The following PRKN variants were observed in gnomAD, a reference collection of about 807,000 sequenced individuals.
The protein encoded by PRKN is parkin RBR E3 ubiquitin protein ligase, also known as E3 ubiquitin-protein ligase parkin.
PRKN carries 56 observed loss-of-function variants against 59.5 expected under a neutral mutation model. The ratio of observed to expected loss-of-function variants is 0.94; its 90% CI spans 0.76 to 1.18. The LOEUF is 1.18. Among genes scored for constraint, PRKN ranks in the 50% most tolerant of loss-of-function variants. The pLI is 0.00. For missense variants in PRKN, 657 were observed against 596.4 expected, an observed-to-expected ratio of 1.10 and a Z score of -1.06; for synonymous variants, 250 against 222.1, an observed-to-expected ratio of 1.13 and a Z score of -1.12.
At chr6:162,181,031 T>C (rs1783779617) in intron 4 of PRKN, among the ~76,000 whole-genome samples, 1 of 152,228 alleles carries the variant, frequency 6.6e-6, no homozygotes, top group Non-Finnish European at 1.5e-5. Context: ...GCAACATTTG[T>C]AAGCTTATTT....
At chr6:162,499,817 T>C (rs928875424) in intron 1 of PRKN, among the ~76,000 whole-genome samples, 2 of 152,174 alleles carry the variant, frequency 1.3e-5, no homozygotes, top group Non-Finnish European at 2.9e-5. Context: ...TTCTGTATCT[T>C]AATTTCAGAC....
intron 1 of PRKN, among the ~76,000 whole-genome samples, chr6:162,687,525 C>T (rs1298180278): frequency 6.6e-6 from 1 of 151,922 alleles, no homozygotes; most frequent in African/African-American, 2.4e-5. Context: ...TGGAATAAAG[C>T]CAGATAAATT....
At chr6:162,184,974 G>A (rs1783962687) in intron 4 of PRKN, among the ~76,000 whole-genome samples, 1 of 152,008 alleles carries the variant, frequency 6.6e-6, no homozygotes, top group African/African-American at 2.4e-5. Flanking sequence ...AAGGGTGGGG[G>A]GGTGCTCCTG....
intron 2 of PRKN, among the ~76,000 whole-genome samples, chr6:162,342,781 G>A (rs1784239069): frequency 6.6e-6 from 1 of 152,104 alleles, no homozygotes; most frequent in Admixed American, 6.6e-5. Flanking sequence ...CAATCATGGT[G>A]ATGATTTTAA....
intron 2 of PRKN, among the ~76,000 whole-genome samples, chr6:162,310,641 T>C (rs983919164): frequency 2.6e-5 from 4 of 152,130 alleles, no homozygotes; most frequent in Non-Finnish European, 5.9e-5. Context: ...ATATACCTAA[T>C]GTAAATGATG....
intron 9 of PRKN, among the ~76,000 whole-genome samples, chr6:161,469,104 T>C (rs1790633491): frequency 6.7e-6 from 1 of 148,446 alleles, no homozygotes; most frequent in South Asian, 2.1e-4. Flanking sequence ...GTAGCATTCA[T>C]GGTTTGGTTC....
chr6:162,215,680 T>C (rs1777615767), intron 3 of PRKN, among the ~76,000 whole-genome samples: 1 of 143,768 alleles, frequency 7.0e-6, no homozygotes, highest in African/African-American at 2.5e-5. Flanking sequence ...TTGTTTATTC[T>C]ATCTAATTGG....
At chr6:162,541,037 A>T (rs1410532381) in intron 1 of PRKN, among the ~76,000 whole-genome samples, 1 of 152,158 alleles carries the variant, frequency 6.6e-6, no homozygotes, top group Non-Finnish European at 1.5e-5. Flanking sequence ...AGGATTCAGA[A>T]ATCCTCACAT....
chr6:161,842,215 T>C (rs1275845719), intron 6 of PRKN, among the ~76,000 whole-genome samples: 1 of 152,022 alleles, frequency 6.6e-6, no homozygotes, highest in African/African-American at 2.4e-5. Flanking sequence ...ATAAGAGCCA[T>C]GGGCCAGGTG....
chr6:162,004,821 A>G (rs1782187248), intron 5 of PRKN, among the ~76,000 whole-genome samples: 1 of 152,210 alleles, frequency 6.6e-6, no homozygotes, highest in African/African-American at 2.4e-5. Context: ...CCTCAGGCTC[A>G]CATATGATTA....
intron 3 of PRKN, among the ~76,000 whole-genome samples, chr6:162,204,045 T>C (rs1294388528): frequency 6.6e-6 from 1 of 152,150 alleles, no homozygotes; most frequent in African/African-American, 2.4e-5. Flanking sequence ...AACTATTTGG[T>C]TGAAGGATCT....
intron 6 of PRKN, among the ~76,000 whole-genome samples, chr6:161,923,180 T>C (rs1454569749): frequency 6.6e-6 from 1 of 152,190 alleles, no homozygotes; most frequent in Admixed American, 6.5e-5. Flanking sequence ...ATCACACATA[T>C]AAAGTAGATT....
At position 161,413,080 on chromosome 6, in the gene PRKN, T is replaced by C. The variant is rs559746868; in HGVS notation, c.1084-26203A>G. ...ATTGAGCTTTATTCTGGCAGCAAAT[T>C]CAGCTCCTTTGGAAATTATATTACC... On this transcript the variant is annotated intron_variant, in intron 9 of 11. Transcript: ENST00000366898. This position sits in a 1 kb window ranked among gnomAD's most constrained non-coding sequence, Gnocchi z 4.4. Among the ~76,000 whole-genome samples the C allele has an allele frequency of 6.6e-6, 1 of 152,330 alleles. No homozygotes were observed. The highest frequency in any genetic ancestry group is 1.9e-4 in the East Asian group (1 of 5,178).
At chr6:161,411,243 GA>G (rs1395577388) in intron 9 of PRKN, among the ~76,000 whole-genome samples, 1 of 152,114 alleles carries the variant, frequency 6.6e-6, no homozygotes, top group African/African-American at 2.4e-5. Context: ...GGGCCAAGTG[GA>G]GATAATCGAA....
At chr6:162,541,790 C>A (rs13206450) in intron 1 of PRKN, among the ~76,000 whole-genome samples, 2 of 152,042 alleles carry the variant, frequency 1.3e-5, no homozygotes, top group Non-Finnish European at 2.9e-5. Flanking sequence ...AGAAGGAATA[C>A]CCTAAGTATA....
At chr6:162,386,833 T>A (rs1786848783) in intron 2 of PRKN, among the ~76,000 whole-genome samples, 1 of 152,234 alleles carries the variant, frequency 6.6e-6, no homozygotes, top group African/African-American at 2.4e-5. Context: ...AAACTCAATC[T>A]AAACCTTTTT....
intron 7 of PRKN, among the ~76,000 whole-genome samples, chr6:161,769,131 T>C (rs1789554544): frequency 6.6e-6 from 1 of 152,236 alleles, no homozygotes; most frequent in African/African-American, 2.4e-5. Context: ...AAAGTATTAA[T>C]GTAGAAAATG....
At chr6:161,840,123 A>T (rs1199038286) in intron 6 of PRKN, among the ~76,000 whole-genome samples, 1 of 152,130 alleles carries the variant, frequency 6.6e-6, no homozygotes, top group Non-Finnish European at 1.5e-5. Flanking sequence ...CACAAAGACC[A>T]CCAGCACTGC....
At chr6:162,535,551 C>T (rs1387631629) in intron 1 of PRKN, among the ~76,000 whole-genome samples, 4 of 151,814 alleles carry the variant, frequency 2.6e-5, no homozygotes, top group African/African-American at 7.3e-5. Context: ...TTGTATTTAT[C>T]CCACTCAATC....
Sources: allele counts gnomAD v4.1 joint callset (sites outside exome capture counted in the v4.1 genomes callset), GRCh38; gene constraint gnomAD v4.1.1; non-coding constraint Gnocchi (gnomAD v3.1); transcripts MANE v1.5; gene names NCBI Gene and HGNC (gene_info 2026-07-23, HGNC 2026-07-21).